SMARCC1: variants seen among roughly 807,000 people sequenced by gnomAD.
The protein encoded by SMARCC1 is SWI/SNF complex subunit SMARCC1.
SMARCC1 carries 43 observed loss-of-function variants against 147.4 expected under a neutral mutation model. The observed-to-expected ratio is 0.29, with a 90% CI of 0.23 to 0.38. The LOEUF is 0.38. Ranked by LOEUF, SMARCC1 falls within the 10% of genes least tolerant of loss-of-function variation. The pLI, the probability that SMARCC1 is intolerant of heterozygous loss-of-function variation, is 1.00. For synonymous variants in SMARCC1, 495 were observed against 484.4 expected (o/e 1.02, Z -0.29); for missense variants, 1,119 against 1,381.1 (o/e 0.81, Z 3.01).
chr3:47,771,571 A>G (rs1475642704), intron 2 of SMARCC1, among the ~76,000 whole-genome samples: 1 of 151,804 alleles, frequency 6.6e-6, no homozygotes, highest in East Asian at 1.9e-4. Context: ...GAAACCCCAT[A>G]TCTACTAAAA....
At chr3:47,748,028 G>A (rs563098298) in intron 2 of SMARCC1, among the ~76,000 whole-genome samples, 44 of 151,940 alleles carry the variant, frequency 2.9e-4, no homozygotes, top group African/African-American at 1.0e-3. Flanking sequence ...CATGGTGGCG[G>A]GCGCATGTAA....
intron 2 of SMARCC1, among the ~76,000 whole-genome samples, chr3:47,767,319 T>C (rs1322068705): frequency 6.8e-6 from 1 of 146,028 alleles, no homozygotes; most frequent in African/African-American, 2.5e-5. Flanking sequence ...CGGCTCACTA[T>C]AAACTCCACC....
In SMARCC1 at chr3:47,628,712, G is replaced by A. The variant is rs186124261; in HGVS notation, c.2647-6371C>T. 5.9e-5 allele frequency among the ~76,000 whole-genome samples: 9 copies of A among 152,152 alleles called. No homozygotes were observed. In the East Asian group the frequency reaches 9.7e-4, roughly 16 times the overall value. ...CCCAAGTAACTGGGCCTACAGGCAC[G>A]TGCCACTATGACTGGCTTAATTTTT... On this transcript the variant is annotated intron_variant, in intron 24 of 27. Transcript: ENST00000254480.
At chr3:47,625,860 A>G (rs1436567423) in intron 24 of SMARCC1, among the ~76,000 whole-genome samples, 1 of 152,162 alleles carries the variant, frequency 6.6e-6, no homozygotes, top group African/African-American at 2.4e-5. Flanking sequence ...ACCACCAAGA[A>G]GTCCACTGAA....
intron 25 of SMARCC1, among the ~76,000 whole-genome samples, chr3:47,617,553 A>G (rs940849383): frequency 1.2e-4 from 19 of 152,204 alleles, no homozygotes; most frequent in African/African-American, 4.3e-4. Flanking sequence ...TGTGCTAGAC[A>G]CTGTGCCAGG....
chr3:47,644,361 C>T (rs1166076754), intron 21 of SMARCC1, among the ~76,000 whole-genome samples: 1 of 152,056 alleles, frequency 6.6e-6, no homozygotes, highest in African/African-American at 2.4e-5. Context: ...CTGAGCACAG[C>T]GGCATACACC....
intron 25 of SMARCC1, among the ~76,000 whole-genome samples, chr3:47,613,660 T>C (rs1374988510): frequency 2.6e-5 from 4 of 152,162 alleles, no homozygotes; most frequent in African/African-American, 9.7e-5. Flanking sequence ...GCCAGAACTT[T>C]TTATTTATGA....
At chr3:47,676,580 T>C in intron 17 of SMARCC1, 49 bp downstream of exon 17, 1 of 1,390,480 alleles carries the variant, frequency 7.2e-7, no homozygotes, top group East Asian at 2.3e-5. Context: ...ATGCTATAAA[T>C]GGCCATTTGT....
intron 16 of SMARCC1, among the ~76,000 whole-genome samples, chr3:47,677,074 A>G (rs1195994275): frequency 1.3e-5 from 2 of 152,118 alleles, no homozygotes; most frequent in Non-Finnish European, 2.9e-5. Flanking sequence ...AAGAACTCAC[A>G]CATAGACCAA....
At chr3:47,626,184 T>A (rs753757271) in intron 24 of SMARCC1, among the ~76,000 whole-genome samples, 7 of 151,560 alleles carry the variant, frequency 4.6e-5, no homozygotes, top group Non-Finnish European at 1.0e-4. Flanking sequence ...TCTAGCTTTG[T>A]CGCCCAGGCT....
intron 11 of SMARCC1, among the ~76,000 whole-genome samples, chr3:47,699,747 A>G (rs2033895817): frequency 6.6e-6 from 1 of 152,112 alleles, no homozygotes. Flanking sequence ...ATACAGACTT[A>G]TCAATTGCTC....
chr3:47,765,802 G>A (rs930225807), intron 2 of SMARCC1, among the ~76,000 whole-genome samples: 4 of 149,782 alleles, frequency 2.7e-5, no homozygotes, highest in Non-Finnish European at 3.0e-5. Flanking sequence ...GCATGATCTT[G>A]GCTCACTGCA....
chr3:47,714,498 G>T lies in SMARCC1; in HGVS notation c.717-8C>A, dbSNP rs982207835. 4 of 1,451,394 alleles carry T rather than the reference G, an allele frequency of 2.8e-6. No individual in the cohort carries two copies. Among genetic ancestry groups the T allele is most frequent in the Admixed American group, 2.1e-5 (1 of 47,142 alleles). 89.9% of individuals were successfully genotyped at this position (1,451,394 alleles called of 1,614,324 possible). On this transcript the variant is annotated splice_polypyrimidine_tract_variant and splice_region_variant and intron_variant, in intron 7 of 27. Coordinates refer to ENST00000254480, the MANE Select transcript of SMARCC1 (RefSeq NM_003074.4). ...TGGACCCAAGTATCATAGCTATAAA[G>T]GAATCAAAATGAGAAAAACAAATTA...
intron 5 of SMARCC1, among the ~76,000 whole-genome samples, chr3:47,735,524 C>G (rs2034431204): frequency 6.6e-6 from 1 of 152,060 alleles, no homozygotes. Context: ...AATCCCAGCA[C>G]TTTGGGAGGC....
chr3:47,672,666 A>G (rs1324315950), intron 18 of SMARCC1, among the ~76,000 whole-genome samples: 2 of 152,330 alleles, frequency 1.3e-5, no homozygotes, highest in East Asian at 3.9e-4. Flanking sequence ...AGATCTCTAC[A>G]ACCTAGACAC....
chr3:47,758,367 C>T (rs919959715), intron 2 of SMARCC1, among the ~76,000 whole-genome samples: 2 of 150,744 alleles, frequency 1.3e-5, no homozygotes, highest in African/African-American at 4.9e-5. Context: ...GCAATCTTCC[C>T]ACTTCAGCCT....
At chr3:47,661,149 A>G (rs2033340578) in intron 21 of SMARCC1, 145 bp downstream of exon 21, 5 of 601,968 alleles carry the variant, frequency 8.3e-6, no homozygotes, top group African/African-American at 3.7e-5. Context: ...GACAAGAGAA[A>G]AAAAATCATG....
intron 21 of SMARCC1, among the ~76,000 whole-genome samples, chr3:47,641,308 G>GAA (rs1230608449): frequency 1.3e-5 from 2 of 152,126 alleles, no homozygotes; most frequent in Admixed American, 6.5e-5. Flanking sequence ...GCAACACTGT[G>GAA]AAACCCCGTG....
chr3:47,632,243 C>T (rs1334801441), intron 24 of SMARCC1, among the ~76,000 whole-genome samples: 1 of 152,048 alleles, frequency 6.6e-6, no homozygotes, highest in Non-Finnish European at 1.5e-5. Flanking sequence ...CCCAAAGTTG[C>T]ACACAGTAAC....
Sources: gnomAD v4.1 joint callset for allele counts (sites outside exome capture counted in the v4.1 genomes callset) on GRCh38, gnomAD v4.1.1 for gene constraint, MANE v1.5 for transcripts, NCBI Gene and HGNC (gene_info 2026-07-23, HGNC 2026-07-21) for gene names.